PRDM7: variants seen among roughly 807,000 people sequenced by gnomAD.
The protein encoded by PRDM7 is histone-lysine N-methyltransferase PRDM7.
PRDM7 carries 52 observed loss-of-function variants against 64.3 expected under a neutral mutation model. That is an observed-to-expected ratio of 0.81 (90% CI 0.65 to 1.02). PRDM7 has a LOEUF of 1.02. PRDM7 is among the 50% of genes least tolerant of loss of function. The pLI is 0.00. For missense variants in PRDM7, 574 were observed against 597.1 expected, an observed-to-expected ratio of 0.96 and a Z score of 0.40; for synonymous variants, 192 against 210.1, an observed-to-expected ratio of 0.91 and a Z score of 0.74.
In PRDM7 at chr16:90,057,660, C is replaced by G. The variant is rs1160214191; in HGVS notation, c.*629G>C. 8 of 1,113,324 alleles carry G rather than the reference C, an allele frequency of 7.2e-6. No individual in the cohort carries two copies. Among genetic ancestry groups the G allele is most frequent in the Non-Finnish European group, 8.0e-6 (7 of 875,782 alleles). The allele number at this position is 1,113,324 out of a possible 1,614,324, so 69.0% of individuals were successfully genotyped here. On this transcript the variant is annotated 3_prime_UTR_variant, in exon 11 of 11. Transcript: ENST00000449207. ...AACTATCCCCTGTTCTTCCTCAACT[C>G]TAGTCATGAAAGTGGCGGATTTGTT...
chr16:90,070,439 A>C (rs534389500), intron 4 of PRDM7, among the ~76,000 whole-genome samples: 1 of 151,106 alleles, frequency 6.6e-6, no homozygotes, highest in East Asian at 1.9e-4. Context: ...CTGAAAATAC[A>C]AAAATTAGCT....
At chr16:90,074,410 C>G (rs1432132016) in intron 4 of PRDM7, among the ~76,000 whole-genome samples, 1 of 151,788 alleles carries the variant, frequency 6.6e-6, no homozygotes, top group Non-Finnish European at 1.5e-5. Context: ...AACCCCATCT[C>G]TACAAAAAAT....
At chr16:90,062,572 G>C (rs2037801322) in intron 6 of PRDM7, 70 bp from the exon 7 acceptor site, 1 of 1,298,508 alleles carries the variant, frequency 7.7e-7, no homozygotes, top group African/African-American at 1.5e-5. Flanking sequence ...ATAAGAAAAT[G>C]TGAAATCTCC....
chr16:90,062,027 C>G lies in PRDM7; in HGVS notation c.776G>C (p.Gly259Ala), dbSNP rs2037787401. 8 of 1,614,148 alleles carry G rather than the reference C, an allele frequency of 5.0e-6. No homozygotes were observed. Among genetic ancestry groups the G allele is most frequent in the South Asian group, 2.2e-5 (2 of 91,094 alleles). ...GPSGIPQAGLGVWNEASDLPL... is the reference protein window; with the variant it reads ...GPSGIPQAGLAVWNEASDLPL... The stretch of plus-strand genomic sequence containing the variant: ...CAGATCAGATGCCTCGTTCCATACT[C>G]CAAGCCCAGCCTGAGGGATGCCTGA... Residue 259 changes from glycine (G) to alanine (A), a missense_variant, in exon 8 of 11, where the codon GGA (glycine) becomes GCA (alanine). Coordinates refer to ENST00000449207, the MANE Select transcript of PRDM7 (RefSeq NM_001098173.2).
chr16:90,064,330 T>C (rs2037834430), intron 5 of PRDM7, among the ~76,000 whole-genome samples: 1 of 152,198 alleles, frequency 6.6e-6, no homozygotes, highest in African/African-American at 2.4e-5. Context: ...CAATTCTACT[T>C]GTCTGCTTGA....
intron 4 of PRDM7, among the ~76,000 whole-genome samples, chr16:90,067,265 C>G (rs1326588247): frequency 6.6e-6 from 1 of 151,178 alleles, no homozygotes; most frequent in Non-Finnish European, 1.5e-5. Flanking sequence ...TATGCTTGGC[C>G]TAACTCTGGA....
At chr16:90,061,859 C>G in intron 8 of PRDM7, 62 bp downstream of exon 8, 1 of 1,606,388 alleles carries the variant, frequency 6.2e-7, no homozygotes, top group African/African-American at 1.3e-5. Context: ...AGGTGATGTC[C>G]CATCAAAGGC....
At chr16:90,074,767 T>G in intron 4 of PRDM7, 149 bp downstream of exon 4, 1 of 739,352 alleles carries the variant, frequency 1.4e-6, no homozygotes, top group Non-Finnish European at 2.2e-6. Flanking sequence ...TAATCCCAGT[T>G]ATTTGGGAGG....
At chr16:90,063,897 G>C in intron 5 of PRDM7, 129 bp from the exon 6 acceptor site, 1 of 1,183,856 alleles carries the variant, frequency 8.4e-7, no homozygotes, top group Admixed American at 2.2e-5. Flanking sequence ...CTAAATACTA[G>C]AGGGAAAAGA....
intron 6 of PRDM7, among the ~76,000 whole-genome samples, chr16:90,063,256 G>GTCAA (rs2037812825): frequency 1.3e-5 from 2 of 152,118 alleles, no homozygotes; most frequent in South Asian, 4.2e-4. Flanking sequence ...GACCGGCCTG[G>GTCAA]TCAACATGGT....
chr16:90,066,711 C>G (rs772530636), intron 5 of PRDM7, 150 bp downstream of exon 5: 4 of 666,782 alleles, frequency 6.0e-6, no homozygotes, highest in African/African-American at 1.9e-5. Context: ...CTTATTAACT[C>G]TTAAAATAAT....
chr16:90,070,402 G>A (rs2037938486), intron 4 of PRDM7, among the ~76,000 whole-genome samples: 2 of 150,848 alleles, frequency 1.3e-5, no homozygotes, highest in Non-Finnish European at 2.9e-5. Flanking sequence ...AGACCAGCCT[G>A]GTCAGCATGG....
chr16:90,062,548 T>C, intron 6 of PRDM7, 46 bp from the exon 7 acceptor site: 1 of 1,466,314 alleles, frequency 6.8e-7, no homozygotes, highest in Non-Finnish European at 9.6e-7. Flanking sequence ...GTCTGGGGTG[T>C]TTGTCCTTGT....
rs572961268 is a variant in PRDM7 at position 90,066,766 on chromosome 16, G to A, written c.351+95C>T. Reference sequence around the variant, plus strand: ...CTAAAGAGATCAGGAGAGGAAGGCAGTAGTTCCTAGGATAGTCTGTACATT... The same window carrying A: ...CTAAAGAGATCAGGAGAGGAAGGCAATAGTTCCTAGGATAGTCTGTACATT... On this transcript the variant is annotated intron_variant, in intron 5 of 10. Coordinates refer to ENST00000449207, the MANE Select transcript of PRDM7 (RefSeq NM_001098173.2). The A allele has an allele frequency of 2.6e-5, 30 of 1,137,428 alleles. No individual in the cohort carries two copies. In the South Asian group the frequency reaches 2.7e-4, roughly 10 times the overall value. The allele number at this position is 1,137,428 out of a possible 1,614,324, so 70.5% of individuals were successfully genotyped here. A position where few individuals can be genotyped will look rare whatever the true frequency, so the allele number is the denominator to read the frequency against.
In PRDM7 at chr16:90,061,581, C is replaced by T. The variant is rs560769279; in HGVS notation, c.883-62G>A. 4 of 1,526,624 alleles carry T rather than the reference C, an allele frequency of 2.6e-6. No individual in the cohort carries two copies. In the African/African-American group the frequency reaches 4.1e-5, roughly 16 times the overall value. The allele number at this position is 1,526,624 out of a possible 1,614,324, so 94.6% of individuals were successfully genotyped here. On this transcript the variant is annotated intron_variant, in intron 8 of 10. Transcript: ENST00000449207. ...GGTAAAAATCCGAAGAATTATTTTA[C>T]TCCACGGTCATCAATGGCCTTTGGA...
At chr16:90,071,277 GC>G (rs1597691906) in intron 4 of PRDM7, among the ~76,000 whole-genome samples, 2 of 152,216 alleles carry the variant, frequency 1.3e-5, no homozygotes, top group East Asian at 3.9e-4. Flanking sequence ...TAATACAGGT[GC>G]ATGCCACCAT....
At chr16:90,068,703 G>A (rs1376347480) in intron 4 of PRDM7, among the ~76,000 whole-genome samples, 7 of 150,174 alleles carry the variant, frequency 4.7e-5, no homozygotes, top group Non-Finnish European at 7.4e-5. Context: ...AATCAGTTGT[G>A]TTTCTATTTA....
intron 5 of PRDM7, among the ~76,000 whole-genome samples, chr16:90,065,014 C>T (rs138538349): frequency 7.9e-5 from 12 of 151,012 alleles, no homozygotes; most frequent in South Asian, 2.1e-4. Context: ...CCACTGCCTC[C>T]GGCACTAATT....
intron 4 of PRDM7, among the ~76,000 whole-genome samples, chr16:90,067,362 T>C (rs1296644854): frequency 1.3e-5 from 2 of 151,202 alleles, no homozygotes; most frequent in African/African-American, 4.9e-5. Context: ...TTTTCTGAAG[T>C]ATCATTAAGG....
Sources: allele counts gnomAD v4.1 joint callset (sites outside exome capture counted in the v4.1 genomes callset), GRCh38; gene constraint gnomAD v4.1.1; transcripts MANE v1.5; gene names NCBI Gene and HGNC (gene_info 2026-07-23, HGNC 2026-07-21).